PTBP2: variants seen among roughly 807,000 people sequenced by gnomAD.
PTBP2 encodes the protein polypyrimidine tract-binding protein 2.
In PTBP2, 13 loss-of-function variants were observed where a neutral mutation model predicts 61.4. That is an observed-to-expected ratio of 0.21 (90% CI 0.14 to 0.34). PTBP2 has a LOEUF of 0.34. PTBP2 is among the 10% of genes least tolerant of loss of function. PTBP2 has a pLI of 1.00. For missense variants in PTBP2, 405 were observed against 642.6 expected (o/e 0.63, Z 4.00); for synonymous variants, 215 against 218.5 (o/e 0.98, Z 0.14).
chr1:96,784,889 G>GT, intron 7 of PTBP2, 170 bp from the exon 8 acceptor site: 1 of 528,036 alleles, frequency 1.9e-6, no homozygotes, highest in East Asian at 3.6e-5. Flanking sequence ...TTGGGGGAAA[G>GT]TAATACATGG....
chr1:96,726,872 C>T (rs899094236), intron 2 of PTBP2, among the ~76,000 whole-genome samples: 5 of 152,182 alleles, frequency 3.3e-5, no homozygotes, highest in Middle Eastern at 3.4e-3. Flanking sequence ...CTTGAGCCAC[C>T]GCGTCCGGCC....
In PTBP2 at chr1:96,721,837, T is replaced by C. The variant is rs773472817; in HGVS notation, c.-28T>C. 2 of 1,560,896 alleles carry C rather than the reference T, an allele frequency of 1.3e-6. No homozygotes were observed. The highest frequency in any genetic ancestry group is 4.8e-5 in the East Asian group (2 of 41,946). ...CTCGCTGGCTGCGTGGCTCGGTTCTTGTGAGCGAAGCTTTGTCCGGTTCGG... is the reference window on the plus strand; with the variant it reads ...CTCGCTGGCTGCGTGGCTCGGTTCTCGTGAGCGAAGCTTTGTCCGGTTCGG... On this transcript the variant is annotated 5_prime_UTR_variant, in exon 1 of 14. Coordinates refer to ENST00000674951, the MANE Select transcript of PTBP2 (RefSeq NM_021190.4).
intron 11 of PTBP2, among the ~76,000 whole-genome samples, chr1:96,812,343 A>G (rs890895776): frequency 5.3e-5 from 8 of 152,198 alleles, no homozygotes; most frequent in African/African-American, 1.4e-4. Context: ...TTGAGGGACA[A>G]TTAGGAGGAA....
At chr1:96,721,903 G>A in intron 1 of PTBP2, 31 bp downstream of exon 1, 1 of 1,571,004 alleles carries the variant, frequency 6.4e-7, no homozygotes, top group East Asian at 2.3e-5. Flanking sequence ...GAAGGTGTGT[G>A]TGAGAGAGGA....
At chr1:96,823,558 T>G (rs1054298158) in exon 14 of PTBP2, 3 of 152,210 alleles carry the variant, frequency 2.0e-5, no homozygotes, top group Admixed American at 2.0e-4. Flanking sequence ...CTGTTAACCA[T>G]AATGTATTTT....
intron 2 of PTBP2, among the ~76,000 whole-genome samples, chr1:96,740,330 A>G (rs1372634145): frequency 1.3e-5 from 2 of 152,176 alleles, no homozygotes; most frequent in South Asian, 2.1e-4. Context: ...CCACCATTTT[A>G]CTTTGTGTGC....
At position 96,813,310 on chromosome 1, in the gene PTBP2, G is replaced by C; in HGVS notation, c.1501G>C (p.Val501Leu). The C allele has an allele frequency of 6.2e-7, 1 of 1,608,282 alleles. No homozygotes were observed. The highest frequency in any genetic ancestry group is 8.5e-7 in the Non-Finnish European group (1 of 1,178,002). Residue 501 changes from valine to leucine, a missense_variant, in exon 14 of 14, where the codon GTG becomes CTG. Physicochemically the swap from Val to Leu is conservative, Grantham distance 32. This residue lies in a region of PTBP2 where 21 missense variants were observed against 54.1 expected (regional missense o/e 0.39). Coordinates refer to ENST00000674951, the MANE Select transcript of PTBP2 (RefSeq NM_021190.4). ...HKMALLQMAT[V>L]EEAIQALIDL... ...AATGGCTCTTCTTCAGATGGCAACA[G>C]TGGAAGAAGCTATTCAGGCCTTGAT...
chr1:96,804,842 C>G lies in PTBP2; in HGVS notation c.947C>G (p.Ala316Gly). ...AGTCCTTTGGCCATTCCAAATGCTGCTGCAGCAGCTGCTGCAGCTGCTGCT... is the reference window on the plus strand; with the variant it reads ...AGTCCTTTGGCCATTCCAAATGCTGGTGCAGCAGCTGCTGCAGCTGCTGCT... ...ALSPLAIPNAAAAAAAAAAGR... is the reference protein window; with the variant it reads ...ALSPLAIPNAGAAAAAAAAGR... Residue 316 changes from alanine (A) to glycine (G), a missense_variant, in exon 9 of 14, where the codon GCT becomes GGT. By Grantham distance (60) the Ala-to-Gly change is moderately conservative. Around this residue, in one of 4 missense-constraint regions of PTBP2, gnomAD observed 342 missense variants for 491.2 expected, o/e 0.70. Transcript: ENST00000674951. 6.2e-7 allele frequency: 1 copy of G among 1,611,488 alleles called. No individual in the cohort carries two copies. The highest frequency in any genetic ancestry group is 8.5e-7 in the Non-Finnish European group (1 of 1,178,148).
chr1:96,728,835 T>C (rs888808444), intron 2 of PTBP2, among the ~76,000 whole-genome samples: 1 of 150,550 alleles, frequency 6.6e-6, no homozygotes, highest in Non-Finnish European at 1.5e-5. Flanking sequence ...TTTTTTTCAG[T>C]GCACACGTTT....
rs77124147 is a variant in PTBP2, at chr1:96,788,560, G to T, written c.904+3306G>T. ...CAGATGACTTCAGCAAACTAATATT[G>T]GTGGGATTAACTTCCTGCTCAGTCT... On this transcript the variant is annotated intron_variant, in intron 8 of 13. Coordinates refer to ENST00000674951, the MANE Select transcript of PTBP2 (RefSeq NM_021190.4). Among the ~76,000 whole-genome samples the T allele has an allele frequency of 6.8e-3, 1,035 of 152,016 alleles. 55 individuals are homozygous for T. The East Asian group carries it at 0.16, about 23-fold the overall frequency.
At chr1:96,776,897 A>G (rs61786401) in intron 5 of PTBP2, among the ~76,000 whole-genome samples, 11,905 of 152,012 alleles carry the variant, frequency 0.078, 604 homozygotes, top group East Asian at 0.17. Context: ...TCTATCTTCC[A>G]TAGTTCAATT....
intron 3 of PTBP2, among the ~76,000 whole-genome samples, chr1:96,762,371 A>C (rs1488722584): frequency 1.4e-5 from 2 of 146,246 alleles, no homozygotes; most frequent in African/African-American, 2.6e-5. Context: ...CACCTCCCGG[A>C]TGGGGCGGCT....
Position 96,813,519 on chromosome 1 carries a change from G to T in PTBP2, c.*114G>T. The T allele has an allele frequency of 4.5e-6, 5 of 1,112,248 alleles. No individual in the cohort carries two copies. The South Asian group carries it at 1.0e-4, about 23-fold the overall frequency. The allele number at this position is 1,112,248 out of a possible 1,614,324, so 68.9% of individuals were successfully genotyped here. ...TTTTTTTTGTTTTTGTTTTTTTGGG[G>T]TTTCTTTTTTTTTTCCATGCTGTTA... On this transcript the variant is annotated 3_prime_UTR_variant, in exon 14 of 14. Coordinates refer to ENST00000674951, the MANE Select transcript of PTBP2 (RefSeq NM_021190.4).
chr1:96,776,794 G>A (rs1251206382), intron 5 of PTBP2, among the ~76,000 whole-genome samples: 1 of 151,172 alleles, frequency 6.6e-6, no homozygotes, highest in Non-Finnish European at 1.5e-5. Context: ...ATATTTGATT[G>A]ACAGATTTCC....
rs924636279 is a variant in PTBP2 at position 96,814,599 on chromosome 1, C to T, written c.*1194C>T. 6 of 152,392 alleles carry T rather than the reference C, an allele frequency of 3.9e-5. No individual in the cohort carries two copies. Among genetic ancestry groups the T allele is most frequent in the Admixed American group, 1.3e-4 (2 of 15,246 alleles). The allele number at this position is 152,392 out of a possible 1,614,324, so 9.4% of individuals were successfully genotyped here. On this transcript the variant is annotated 3_prime_UTR_variant, in exon 14 of 14. Transcript: ENST00000674951. ...TTAATTTGAACAGTTCTTGTCAATC[C>T]GAATTGTTGATTCTGTTTAAATGAC...
chr1:96,783,111 T>C (rs1658873775), intron 7 of PTBP2, among the ~76,000 whole-genome samples: 1 of 151,976 alleles, frequency 6.6e-6, no homozygotes. Flanking sequence ...GCTACTGCTA[T>C]TTCTTGGGAT....
intron 10 of PTBP2, 61 bp downstream of exon 10, chr1:96,806,513 T>G: frequency 6.6e-7 from 1 of 1,518,046 alleles, no homozygotes; most frequent in Non-Finnish European, 9.1e-7. Context: ...ACCTTAATTC[T>G]TATTTGTAGC....
rs547447189 is a variant in PTBP2, at chr1:96,798,090, A to G, written c.905-6710A>G. ...GACTCTGTCTCTAAAAAAAAAAAAAAAAAATTAGAAGGGGCTGTCAGGCGT... is the reference window on the plus strand; with the variant it reads ...GACTCTGTCTCTAAAAAAAAAAAAAGAAAATTAGAAGGGGCTGTCAGGCGT... On this transcript the variant is annotated intron_variant, in intron 8 of 13. Transcript: ENST00000674951. 2.6e-5 allele frequency among the ~76,000 whole-genome samples: 4 copies of G among 151,616 alleles called. No individual in the cohort carries two copies. In the South Asian group the frequency reaches 8.3e-4, roughly 32 times the overall value.
intron 8 of PTBP2, among the ~76,000 whole-genome samples, chr1:96,792,027 C>T (rs147716046): frequency 9.9e-4 from 150 of 151,666 alleles, no homozygotes; most frequent in African/African-American, 3.4e-3. Flanking sequence ...TTAGTAGAGA[C>T]GGGGTTTTAC....
Sources: allele counts gnomAD v4.1 joint callset (sites outside exome capture counted in the v4.1 genomes callset), GRCh38; gene constraint gnomAD v4.1.1; regional missense constraint gnomAD v4.1.1; transcripts MANE v1.5; gene names NCBI Gene and HGNC (gene_info 2026-07-23, HGNC 2026-07-21).